Variants in SNED1 observed in about 807,000 individuals in gnomAD.
SNED1 encodes the protein sushi, nidogen and EGF-like domain-containing protein 1.
SNED1 carries 81 observed loss-of-function variants against 166.7 expected under a neutral mutation model. That is an observed-to-expected ratio of 0.49 (90% confidence interval 0.41 to 0.58). The LOEUF (loss-of-function observed/expected upper bound fraction) is 0.58. Ranked by LOEUF, SNED1 falls within the 20% of genes least tolerant of loss-of-function variation. SNED1 has a pLI of 0.00. For missense variants in SNED1, 1,604 were observed against 2,000.2 expected (o/e 0.80, Z 3.78); for synonymous variants, 762 against 822.0 (o/e 0.93, Z 1.25).
Position 241,087,241 on chromosome 2 carries a change from T to C in SNED1, c.4122-151T>C, listed in dbSNP as rs1274546791. On this transcript the variant is annotated intron_variant, in intron 29 of 31. Coordinates refer to ENST00000310397, the MANE Select transcript of SNED1 (RefSeq NM_001080437.3). ...ATGACCTTTATGTTAGACATTTTAATACATCAATAGGAGGTCACGTTTCAT... is the reference window on the plus strand; with the variant it reads ...ATGACCTTTATGTTAGACATTTTAACACATCAATAGGAGGTCACGTTTCAT... 6 of 626,236 alleles carry C rather than the reference T, an allele frequency of 9.6e-6. No individual in the cohort carries two copies. The East Asian group carries it at 1.7e-4, about 18-fold the overall frequency. 38.8% of individuals were successfully genotyped at this position (626,236 alleles called of 1,614,324 possible). A position where few individuals can be genotyped will look rare whatever the true frequency, so the allele number is the denominator to read the frequency against.
Position 241,051,970 on chromosome 2 carries a change from C to G in SNED1, c.1853-71C>G. ...GTGGGTCTGCTTCTCATGAAGAGGC[C>G]CCAGCTCTGGGATGTTGGGGAACGT... On this transcript the variant is annotated intron_variant, in intron 13 of 31. Transcript: ENST00000310397. This position sits in a 1 kb window ranked among gnomAD's most constrained non-coding sequence, Gnocchi z 4.7. 1 of 1,520,996 alleles carries G rather than the reference C, an allele frequency of 6.6e-7. No homozygotes were observed. The highest frequency in any genetic ancestry group is 9.0e-7 in the Non-Finnish European group (1 of 1,108,860). 94.2% of individuals were successfully genotyped at this position (1,520,996 alleles called of 1,614,324 possible).
At position 241,064,347 on chromosome 2, in the gene SNED1, C is replaced by A. The variant is rs538005124; in HGVS notation, c.2599+222C>A. Among the ~76,000 whole-genome samples the A allele has an allele frequency of 4.9e-4, 75 of 152,112 alleles. 1 individual carries two copies. The highest frequency in any genetic ancestry group is 7.2e-4 in the Non-Finnish European group (49 of 67,992). ...TCTAAACCTCCCCATCTCCTGCGCT[C>A]ACCCCCCAGACACCCCTCTTCACCC... is the stretch of plus-strand genomic sequence containing the variant. On this transcript the variant is annotated intron_variant, in intron 19 of 31. Coordinates refer to ENST00000310397, the MANE Select transcript of SNED1 (RefSeq NM_001080437.3). The surrounding 1 kb of genome is among the most constrained non-coding windows in gnomAD (Gnocchi z 7.0).
At position 241,089,405 on chromosome 2, in the gene SNED1, AAAAC is replaced by A. The variant is rs780960472; in HGVS notation, c.*1+1009_*1+1012del. The stretch of plus-strand genomic sequence containing the variant: ...GAGAAATGTCATTCAGGAACCTTTA[AAAAC>A]AAACAGAAGCAAAACAGCTTTTCAG... On this transcript the variant is annotated intron_variant, in intron 31 of 31. Coordinates refer to ENST00000310397, the MANE Select transcript of SNED1 (RefSeq NM_001080437.3). 5.2e-6 allele frequency: 8 copies of A among 1,550,532 alleles called. No homozygotes were observed. The South Asian group carries it at 6.0e-5, about 12-fold the overall frequency.
In SNED1 at chr2:241,081,722, CT is replaced by C; in HGVS notation, c.3964del (p.Cys1322ValfsTer26). ...CSENPCQNGGTCVPGADAHSC... is the reference protein window; with the variant it reads ...CSENPCQNGGXCVPGADAHSC... ...GAAAACCCCTGTCAGAACGGAGGCA[CT>C]TGTGTGCCGGGCGCAGACGCCCACA... is the stretch of plus-strand genomic sequence containing the variant. On this transcript the variant is annotated frameshift_variant, in exon 28 of 32. Coordinates refer to ENST00000310397, the MANE Select transcript of SNED1 (RefSeq NM_001080437.3). LOFTEE classifies it high-confidence loss of function. The C allele has an allele frequency of 6.2e-7, 1 of 1,609,854 alleles. No homozygotes were observed. Among genetic ancestry groups the C allele is most frequent in the Non-Finnish European group, 8.5e-7 (1 of 1,178,134 alleles).
chr2:240,999,332 C>T lies in SNED1; in HGVS notation c.213+282C>T, dbSNP rs2060006751. 6.6e-6 allele frequency among the ~76,000 whole-genome samples: 1 copy of T among 151,966 alleles called. No individual in the cohort carries two copies. The highest frequency in any genetic ancestry group is 2.1e-4 in the South Asian group (1 of 4,828). On this transcript the variant is annotated intron_variant, in intron 1 of 31. Coordinates refer to ENST00000310397, the MANE Select transcript of SNED1 (RefSeq NM_001080437.3). The surrounding 1 kb of genome is among the most constrained non-coding windows in gnomAD (Gnocchi z 5.8). The stretch of plus-strand genomic sequence containing the variant: ...GCCAGACCTGCCGAGCGCGTCTTCC[C>T]GGCGCCTGATTCCCAGGGGAGAGCA...
At position 241,070,084 on chromosome 2, in the gene SNED1, T is replaced by C; in HGVS notation, c.3472T>C (p.Ser1158Pro). The C allele has an allele frequency of 1.2e-6, 2 of 1,613,068 alleles. No homozygotes were observed. Among genetic ancestry groups the C allele is most frequent in the Non-Finnish European group, 1.7e-6 (2 of 1,179,882 alleles). The change falls in exon 24 of 32, where the codon TCC (serine) becomes CCC (proline). Residue 1158 changes from serine (S) to proline (P), a missense_variant. Physicochemically the swap from Ser to Pro is moderately conservative, Grantham distance 74 (BLOSUM62 -1). Transcript: ENST00000310397. ...SRYVPNGKLA[S>P]YTVRDLLPGR... Reference sequence around the variant, plus strand: ...CTATGTCCCCAACGGGAAGCTGGCGTCCTACACGGTGCGCGACCTGCTGCC... The same window carrying C: ...CTATGTCCCCAACGGGAAGCTGGCGCCCTACACGGTGCGCGACCTGCTGCC...
rs1392893865 is a variant in SNED1, at chr2:241,012,830, T to G, written c.213+13780T>G. 6.2e-4 allele frequency among the ~76,000 whole-genome samples: 94 copies of G among 151,298 alleles called. No individual in the cohort carries two copies. The South Asian group carries it at 0.018, about 28-fold the overall frequency. On this transcript the variant is annotated intron_variant, in intron 1 of 31. Transcript: ENST00000310397. ...CAGTACTGTGTTTTTTTTTTCTTTT[T>G]TTTTTTTTTTTGTTGTTGTTTTTGA...
chr2:241,080,679 C>T (rs139402127), intron 27 of SNED1, among the ~76,000 whole-genome samples: 1,852 of 152,376 alleles, frequency 0.012, 34 homozygotes, highest in African/African-American at 0.041. Flanking sequence ...AAACAACTGA[C>T]AGCAATGGAC....
At chr2:241,077,776 A>G (rs147728026) in intron 27 of SNED1, among the ~76,000 whole-genome samples, 14 of 152,328 alleles carry the variant, frequency 9.2e-5, no homozygotes, top group African/African-American at 3.4e-4. Context: ...CAGCAGGGAA[A>G]TGCACATCAA....
intron 1 of SNED1, among the ~76,000 whole-genome samples, chr2:241,007,086 G>A (rs1241017519): frequency 2.0e-5 from 3 of 152,198 alleles, no homozygotes; most frequent in African/African-American, 7.2e-5. Flanking sequence ...TATAAATGAG[G>A]GGGAAAACAG....
chr2:241,080,251 T>C (rs2063268116), intron 27 of SNED1, among the ~76,000 whole-genome samples: 2 of 152,194 alleles, frequency 1.3e-5, no homozygotes, highest in African/African-American at 4.8e-5. Flanking sequence ...GACACTGCAC[T>C]CCAGCCTGGG....
chr2:241,022,359 G>A (rs2124920524), intron 1 of SNED1, among the ~76,000 whole-genome samples: 1 of 152,266 alleles, frequency 6.6e-6, no homozygotes, highest in East Asian at 1.9e-4. Flanking sequence ...TATAATTTTA[G>A]CTCTTACATT....
chr2:241,052,687 CGGCGG>C (rs1411955120), intron 15 of SNED1, among the ~76,000 whole-genome samples: 6 of 1,700 alleles, frequency 3.5e-3, no homozygotes, highest in Non-Finnish European at 0.014. Context: ...GTGAGAGGGT[CGGCGG>C]GGGGGGGGGG....
intron 30 of SNED1, chr2:241,087,964 G>C (rs2063671446): frequency 2.5e-6 from 1 of 404,102 alleles, no homozygotes; most frequent in African/African-American, 2.1e-5. Context: ...CGTCCTCATA[G>C]ACCAATGAGT....
chr2:241,080,078 A>C (rs2063257754), intron 27 of SNED1, among the ~76,000 whole-genome samples: 1 of 152,154 alleles, frequency 6.6e-6, no homozygotes, highest in South Asian at 2.1e-4. Context: ...TGAGGTCAGG[A>C]GTTTGAATCC....
intron 16 of SNED1, among the ~76,000 whole-genome samples, chr2:241,057,885 T>C (rs976619123): frequency 2.6e-5 from 4 of 152,184 alleles, no homozygotes; most frequent in Admixed American, 1.3e-4. Flanking sequence ...GGGAGAGTTA[T>C]CAGATTTCAT....
In SNED1 at chr2:241,068,169, A is replaced by G. The variant is rs981114252; in HGVS notation, c.3194+222A>G. 5.9e-5 allele frequency among the ~76,000 whole-genome samples: 9 copies of G among 152,194 alleles called. No homozygotes were observed. The highest frequency in any genetic ancestry group is 2.2e-4 in the African/African-American group (9 of 41,446). On this transcript the variant is annotated intron_variant, in intron 22 of 31. Transcript: ENST00000310397. This position sits in a 1 kb window ranked among gnomAD's most constrained non-coding sequence, Gnocchi z 5.3. ...CTGCCAAGAGAGGATACACCTTGGTAGTGTTTTAAAGTGTCCAAAAAGAGC... is the reference window on the plus strand; with the variant it reads ...CTGCCAAGAGAGGATACACCTTGGTGGTGTTTTAAAGTGTCCAAAAAGAGC...
In SNED1 at chr2:241,073,699, G is replaced by T; in HGVS notation, c.3916+335G>T. The T allele has an allele frequency of 2.2e-6, 1 of 460,904 alleles. No individual in the cohort carries two copies. 28.6% of individuals were successfully genotyped at this position (460,904 alleles called of 1,614,324 possible). ...GAGCCCACCCCAGCCCCTGCCTCTGGGCCCCTCACCCCTCACTTCTCCAAA... is the reference window on the plus strand; with the variant it reads ...GAGCCCACCCCAGCCCCTGCCTCTGTGCCCCTCACCCCTCACTTCTCCAAA... On this transcript the variant is annotated intron_variant, in intron 27 of 31. Coordinates refer to ENST00000310397, the MANE Select transcript of SNED1 (RefSeq NM_001080437.3). This position sits in a 1 kb window ranked among gnomAD's most constrained non-coding sequence, Gnocchi z 6.6.
At chr2:241,054,169 A>AC (rs1288860827) in intron 16 of SNED1, among the ~76,000 whole-genome samples, 12 of 151,430 alleles carry the variant, frequency 7.9e-5, no homozygotes, top group Non-Finnish European at 1.5e-4. Flanking sequence ...CTTGGAGATG[A>AC]CCCCCCCTCC....
Sources: gnomAD v4.1 joint callset for allele counts (sites outside exome capture counted in the v4.1 genomes callset) on GRCh38, gnomAD v4.1.1 for gene constraint, Gnocchi (gnomAD v3.1) non-coding constraint, MANE v1.5 for transcripts, NCBI Gene and HGNC (gene_info 2026-07-23, HGNC 2026-07-21) for gene names.